CCBE1: variants seen among roughly 807,000 people sequenced by gnomAD.
The protein encoded by CCBE1 is collagen and calcium binding EGF domains 1.
CCBE1 carries 37 observed loss-of-function variants against 50.0 expected under a neutral mutation model. The ratio of observed to expected loss-of-function variants is 0.74; its 90% CI spans 0.57 to 0.97. CCBE1 has a LOEUF of 0.97. Ranked by LOEUF, CCBE1 falls within the 50% of genes least tolerant of loss-of-function variation. CCBE1 has a pLI of 0.00. For missense variants in CCBE1, 538 were observed against 523.8 expected, an observed-to-expected ratio of 1.03 and a Z score of -0.26; for synonymous variants, 234 against 203.7, an observed-to-expected ratio of 1.15 and a Z score of -1.27.
chr18:59,557,178 G>A (rs1054516837), intron 2 of CCBE1, among the ~76,000 whole-genome samples: 5 of 152,220 alleles, frequency 3.3e-5, no homozygotes, highest in African/African-American at 1.2e-4. Flanking sequence ...GCATGTCACA[G>A]GCAATGTGGA....
At chr18:59,575,226 A>G (rs1482569770) in intron 2 of CCBE1, among the ~76,000 whole-genome samples, 1 of 152,138 alleles carries the variant, frequency 6.6e-6, no homozygotes, top group African/African-American at 2.4e-5. Context: ...TCTCTCCTCT[A>G]TGAGCCAGCC....
chr18:59,491,578 C>T (rs1311647649), intron 2 of CCBE1, among the ~76,000 whole-genome samples: 7 of 147,576 alleles, frequency 4.7e-5, no homozygotes, highest in Non-Finnish European at 1.1e-4. Context: ...TTTTGGGAAG[C>T]CAAGGCGGGC....
At position 59,522,993 on chromosome 18, in the gene CCBE1, C is replaced by CAAAAAAAAAAAAAAAA. The variant is rs57217059; in HGVS notation, c.213-42771_213-42756dup. On this transcript the variant is annotated intron_variant, in intron 2 of 10. Coordinates refer to ENST00000439986, the MANE Select transcript of CCBE1 (RefSeq NM_133459.4). Reference sequence around the variant, plus strand: ...GGCAACAGAGTGAGAGACTCTGTTTCAAAAAAAAAAAAAAAAAAAATTCTC... The same window carrying CAAAAAAAAAAAAAAAA: ...GGCAACAGAGTGAGAGACTCTGTTTCAAAAAAAAAAAAAAAAAAAAAAAAAAAAAAAAAAAATTCTC... Among the ~76,000 whole-genome samples, 22 of 89,218 alleles carry CAAAAAAAAAAAAAAAA rather than the reference C, an allele frequency of 2.5e-4. 1 individual carries two copies. Among genetic ancestry groups the CAAAAAAAAAAAAAAAA allele is most frequent in the Non-Finnish European group, 3.4e-4 (15 of 44,700 alleles). The allele number at this position is 89,218 out of a possible 152,430, so 58.5% of individuals were successfully genotyped here.
chr18:59,663,596 G>A (rs1342650701), intron 2 of CCBE1, among the ~76,000 whole-genome samples: 1 of 152,026 alleles, frequency 6.6e-6, no homozygotes, highest in Non-Finnish European at 1.5e-5. Flanking sequence ...GGATGTCTCT[G>A]TAAGCAGAGT....
intron 2 of CCBE1, among the ~76,000 whole-genome samples, chr18:59,601,020 T>G (rs923636397): frequency 1.9e-5 from 1 of 53,142 alleles, no homozygotes; most frequent in Non-Finnish European, 3.5e-5. Flanking sequence ...GTTTTTTTTT[T>G]TTTTTTTTTT....
intron 2 of CCBE1, among the ~76,000 whole-genome samples, chr18:59,578,081 T>C (rs1378204541): frequency 1.3e-5 from 2 of 152,060 alleles, no homozygotes; most frequent in African/African-American, 4.8e-5. Context: ...GGGCTAATAT[T>C]TAGAATCTAC....
chr18:59,587,141 A>G (rs2053189865), intron 2 of CCBE1, among the ~76,000 whole-genome samples: 1 of 152,162 alleles, frequency 6.6e-6, no homozygotes, highest in Admixed American at 6.5e-5. Flanking sequence ...CTCCACAGAA[A>G]CTCTTTTGGA....
rs1320388772 is a variant in CCBE1, at chr18:59,607,086, TACTC to T, written c.212+89539_212+89542del. Among the ~76,000 whole-genome samples, 11 of 147,486 alleles carry T rather than the reference TACTC, an allele frequency of 7.5e-5. No individual in the cohort carries two copies. The South Asian group carries it at 2.3e-3, about 31-fold the overall frequency. On this transcript the variant is annotated intron_variant, in intron 2 of 10. Coordinates refer to ENST00000439986, the MANE Select transcript of CCBE1 (RefSeq NM_133459.4). Reference sequence around the variant, plus strand: ...AAAAAAAAAAAAAAAAGCACACAAGTACTCACTGCATCAGTCAGTCCAATCAAAG... The same window carrying T: ...AAAAAAAAAAAAAAAAGCACACAAGTACTGCATCAGTCAGTCCAATCAAAG...
intron 2 of CCBE1, among the ~76,000 whole-genome samples, chr18:59,501,601 T>TA (rs1449500137): frequency 1.3e-5 from 2 of 152,196 alleles, no homozygotes; most frequent in Non-Finnish European, 2.9e-5. Flanking sequence ...CCTGAATTCC[T>TA]ATCCACCAAG....
intron 5 of CCBE1, among the ~76,000 whole-genome samples, chr18:59,457,715 G>A (rs1384881766): frequency 6.6e-6 from 1 of 152,118 alleles, no homozygotes; most frequent in East Asian, 1.9e-4. Context: ...ATCTGAGGTG[G>A]GTTTAGAATG....
intron 6 of CCBE1, among the ~76,000 whole-genome samples, chr18:59,452,226 A>G (rs12958775): frequency 0.3 from 46,035 of 152,022 alleles, 7,671 homozygotes; most frequent in Middle Eastern, 0.47. Flanking sequence ...CTTCTTGGCT[A>G]ATGTTTATTT....
At chr18:59,510,442 A>G (rs935128923) in intron 2 of CCBE1, among the ~76,000 whole-genome samples, 3 of 150,370 alleles carry the variant, frequency 2.0e-5, no homozygotes, top group Non-Finnish European at 4.4e-5. Context: ...TTTTTTTGAG[A>G]TGGAGTTTTG....
At chr18:59,569,783 C>T (rs1407963856) in intron 2 of CCBE1, among the ~76,000 whole-genome samples, 1 of 152,144 alleles carries the variant, frequency 6.6e-6, no homozygotes. Context: ...TACAGGTGCT[C>T]AACACCATGC....
At chr18:59,662,228 G>A (rs1317626901) in intron 2 of CCBE1, among the ~76,000 whole-genome samples, 1 of 152,214 alleles carries the variant, frequency 6.6e-6, no homozygotes, top group Non-Finnish European at 1.5e-5. Context: ...GCTGACACCA[G>A]AAGATAGTCC....
intron 2 of CCBE1, among the ~76,000 whole-genome samples, chr18:59,625,056 C>A (rs1228323957): frequency 1.3e-5 from 2 of 152,166 alleles, no homozygotes; most frequent in East Asian, 3.8e-4. Flanking sequence ...AATATGCTAC[C>A]AAGTTTGACC....
chr18:59,439,847 A>C, intron 7 of CCBE1, 31 bp from the exon 8 acceptor site: 8 of 1,611,876 alleles, frequency 5.0e-6, no homozygotes. Context: ...ATTAGCTCAC[A>C]GCACATGAGA....
At chr18:59,579,014 CAT>C (rs1034372209) in intron 2 of CCBE1, among the ~76,000 whole-genome samples, 1 of 152,118 alleles carries the variant, frequency 6.6e-6, no homozygotes, top group African/African-American at 2.4e-5. Flanking sequence ...ACAGTACAAA[CAT>C]AGATGCTTGT....
intron 2 of CCBE1, among the ~76,000 whole-genome samples, chr18:59,693,089 A>G (rs1048818756): frequency 6.6e-6 from 1 of 151,996 alleles, no homozygotes; most frequent in African/African-American, 2.4e-5. Context: ...CATACCCTAA[A>G]GCTCTACAAT....
At position 59,697,329 on chromosome 18, in the gene CCBE1, G is replaced by A. The variant is rs1314564132; in HGVS notation, c.14C>T (p.Pro5Leu). The part of the protein sequence containing the change: MVPP[P>L]PSRGGAARGQ... ...CCTGGCAGCTCCTCCCCGGCTCGGA[G>A]GCGGCGGCACCATCAGGGAAGCTCC... The change falls in exon 1 of 11, where the codon CCT becomes CTT. Residue 5 changes from proline (P) to leucine (L), a missense_variant. Transcript: ENST00000439986. The A allele has an allele frequency of 1.3e-6, 2 of 1,548,026 alleles. No individual in the cohort carries two copies. Among genetic ancestry groups the A allele is most frequent in the South Asian group, 2.4e-5 (2 of 83,976 alleles).
Sources: gnomAD v4.1 joint callset for allele counts (sites outside exome capture counted in the v4.1 genomes callset) on GRCh38, gnomAD v4.1.1 for gene constraint, MANE v1.5 for transcripts, NCBI Gene and HGNC (gene_info 2026-07-23, HGNC 2026-07-21) for gene names.